The following NELFCD variants were observed in gnomAD, a reference collection of about 807,000 sequenced individuals.
The protein encoded by NELFCD is negative elongation factor C/D.
Under a neutral mutation model 72.9 loss-of-function variants are expected in NELFCD, and 48 were observed. The ratio of observed to expected loss-of-function variants is 0.66; its 90% CI spans 0.52 to 0.84. The LOEUF (loss-of-function observed/expected upper bound fraction) is 0.84, where lower values mean the gene tolerates loss of function less well. NELFCD is among the 40% of genes least tolerant of loss of function. The pLI, the probability that NELFCD is intolerant of heterozygous loss-of-function variation, is 0.00. For synonymous variants in NELFCD, 297 were observed against 280.6 expected (o/e 1.06, Z -0.59); for missense variants, 538 against 723.8 (o/e 0.74, Z 2.94).
intron 4 of NELFCD, among the ~76,000 whole-genome samples, chr20:58,988,678 T>C (rs946948349): frequency 1.3e-5 from 2 of 152,054 alleles, no homozygotes; most frequent in African/African-American, 4.8e-5. Context: ...GAAGCAACTT[T>C]CAGTACCCTC....
In NELFCD at chr20:58,990,896, T is replaced by C. The variant is rs1217024936; in HGVS notation, c.789-14T>C. On this transcript the variant is annotated splice_polypyrimidine_tract_variant and intron_variant, in intron 7 of 14. Transcript: ENST00000652272. ...GCCTTGTTAGTAACGGGGTCTATGG[T>C]TTTTCTCATCAAGAGGTCATGACGC... 1.0e-5 allele frequency: 16 copies of C among 1,605,386 alleles called. No homozygotes were observed. The highest frequency in any genetic ancestry group is 1.4e-5 in the Non-Finnish European group (16 of 1,175,658).
chr20:58,987,491 G>A, intron 3 of NELFCD: 1 of 552,246 alleles, frequency 1.8e-6, no homozygotes, highest in Non-Finnish European at 3.2e-6. Context: ...TTTCCATGAA[G>A]TTAGGGGTGG....
chr20:58,993,284 T>A lies in NELFCD; in HGVS notation c.1345-165T>A. 1 of 819,634 alleles carries A rather than the reference T, an allele frequency of 1.2e-6. No individual in the cohort carries two copies. The highest frequency in any genetic ancestry group is 1.9e-6 in the Non-Finnish European group (1 of 516,742). The allele number at this position is 819,634 out of a possible 1,614,324, so 50.8% of individuals were successfully genotyped here. A position where few individuals can be genotyped will look rare whatever the true frequency, so the allele number is the denominator to read the frequency against. ...ACCTAGCTTCATTGACTGCAGAAAT[T>A]TCTTAACCTCAGTCAAGTGTTACTG... is the stretch of plus-strand genomic sequence containing the variant. On this transcript the variant is annotated intron_variant, in intron 11 of 14. Coordinates refer to ENST00000652272, the MANE Select transcript of NELFCD (RefSeq NM_198976.4). The surrounding 1 kb of genome is among the most constrained non-coding windows in gnomAD (Gnocchi z 5.0).
chr20:58,989,336 C>T (rs2091795925), intron 5 of NELFCD, 152 bp from the exon 6 acceptor site: 2 of 880,208 alleles, frequency 2.3e-6, no homozygotes, highest in Non-Finnish European at 1.8e-6. Flanking sequence ...GGGCACACAC[C>T]TAGGTGATAG....
rs766445585 is a variant in NELFCD, at chr20:58,988,949, C to T, written c.432C>T (p.Thr144=). The T allele has an allele frequency of 1.9e-6, 3 of 1,614,168 alleles. No individual in the cohort carries two copies. Among genetic ancestry groups the T allele is most frequent in the Admixed American group, 3.3e-5 (2 of 60,022 alleles). ...GGCTGGAACAGATGATTGCACATAC[C>T]ACGTGGCGGGACCTTTTTTATAAAC... is the stretch of plus-strand genomic sequence containing the variant. The part of the protein sequence containing the change: ...PAWLEQMIAH[T]TWRDLFYKLA... Residue 144 remains threonine (T), a synonymous_variant, in exon 5 of 15, where the codon ACC becomes ACT. Coordinates refer to ENST00000652272, the MANE Select transcript of NELFCD (RefSeq NM_198976.4).
rs752338939 is a variant in NELFCD at position 58,981,290 on chromosome 20, G to T, written c.-20G>T. ...GCTCGCTCGCGGGAGGGCATGGCGG[G>T]GGCCGTGCCGGGCGCCATCATGGAC... On this transcript the variant is annotated 5_prime_UTR_variant, in exon 1 of 15. Transcript: ENST00000652272. The T allele has an allele frequency of 9.3e-7, 1 of 1,070,822 alleles. No homozygotes were observed. 66.3% of individuals were successfully genotyped at this position (1,070,822 alleles called of 1,614,324 possible).
At chr20:58,982,482 A>G (rs757466317) in intron 1 of NELFCD, among the ~76,000 whole-genome samples, 3 of 152,126 alleles carry the variant, frequency 2.0e-5, no homozygotes, top group African/African-American at 2.4e-5. Context: ...TTTAACAACA[A>G]TCAAGATTGG....
Position 58,992,040 on chromosome 20 carries a change from G to A in NELFCD, c.1229+20G>A. The A allele has an allele frequency of 6.3e-7, 1 of 1,596,830 alleles. No homozygotes were observed. Among genetic ancestry groups the A allele is most frequent in the Non-Finnish European group, 8.6e-7 (1 of 1,168,798 alleles). On this transcript the variant is annotated intron_variant, in intron 10 of 14. Transcript: ENST00000652272. ...TATTAGGTAAGCAAAACGAAACTCA[G>A]TTCTTAAATCAGTCCTTTGGGGAGG...
At position 58,986,388 on chromosome 20, in the gene NELFCD, C is replaced by G; in HGVS notation, c.176+180C>G. ...TAAATTTTTTTAAGACAGAGTCTTG[C>G]TCTGTTGCAGTGGCACAATCACCGC... On this transcript the variant is annotated intron_variant, in intron 2 of 14. Coordinates refer to ENST00000652272, the MANE Select transcript of NELFCD (RefSeq NM_198976.4). This position sits in a 1 kb window ranked among gnomAD's most constrained non-coding sequence, Gnocchi z 4.4. The G allele has an allele frequency of 1.7e-6, 1 of 577,852 alleles. No homozygotes were observed. Among genetic ancestry groups the G allele is most frequent in the Non-Finnish European group, 3.0e-6 (1 of 329,284 alleles). 35.8% of individuals were successfully genotyped at this position (577,852 alleles called of 1,614,324 possible). A position where few individuals can be genotyped will look rare whatever the true frequency, so the allele number is the denominator to read the frequency against.
chr20:58,994,078 C>A (rs775717697), intron 13 of NELFCD, 32 bp from the exon 14 acceptor site: 2 of 1,611,102 alleles, frequency 1.2e-6, no homozygotes, highest in Admixed American at 3.3e-5. Flanking sequence ...CACTAGTGTG[C>A]GGAAGAAGTC....
intron 9 of NELFCD, 54 bp from the exon 10 acceptor site, chr20:58,991,827 G>T: frequency 6.3e-7 from 1 of 1,592,778 alleles, no homozygotes; most frequent in South Asian, 1.1e-5. Context: ...AGAACACCCC[G>T]ACAGCAGGGA....
chr20:58,989,043 A>C (rs781693527), intron 5 of NELFCD, 22 bp downstream of exon 5: 4 of 1,528,766 alleles, frequency 2.6e-6, no homozygotes, highest in South Asian at 2.2e-5. Flanking sequence ...TCTAGAGTTA[A>C]GGAGAAAAGT....
At chr20:58,989,379 A>G in intron 5 of NELFCD, 109 bp from the exon 6 acceptor site, 1 of 1,339,190 alleles carries the variant, frequency 7.5e-7, no homozygotes, top group South Asian at 1.3e-5. Context: ...CCTGAGACCC[A>G]CGACCAGCGC....
chr20:58,991,099 C>T, intron 8 of NELFCD, 24 bp downstream of exon 8: 2 of 1,608,524 alleles, frequency 1.2e-6, no homozygotes, highest in Non-Finnish European at 1.7e-6. Context: ...CAAGAATCCC[C>T]AATGTCAGCT....
At chr20:58,984,959 A>G (rs1374382110) in intron 1 of NELFCD, among the ~76,000 whole-genome samples, 10 of 152,234 alleles carry the variant, frequency 6.6e-5, no homozygotes, top group African/African-American at 2.4e-4. Context: ...AAGACTCCAC[A>G]GCTTTTACTG....
In NELFCD at chr20:58,994,670, G is replaced by A. The variant is rs2091846218; in HGVS notation, c.1740G>A (p.Val580=). The change falls in exon 15 of 15, where the codon GTG becomes GTA. Residue 580 remains valine, a synonymous_variant. Transcript: ENST00000652272. ...IAHCKSNFIM[V]N ...ACTGCAAATCTAACTTCATCATGGT[G>A]AACTAATTTAGAGCATCCTCCAGAG... 1 of 1,611,838 alleles carries A rather than the reference G, an allele frequency of 6.2e-7. No homozygotes were observed. The highest frequency in any genetic ancestry group is 8.5e-7 in the Non-Finnish European group (1 of 1,178,230).
Position 58,993,807 on chromosome 20 carries a change from C to G in NELFCD, c.1581+43C>G. 2.5e-6 allele frequency: 4 copies of G among 1,599,242 alleles called. No individual in the cohort carries two copies. The highest frequency in any genetic ancestry group is 3.4e-6 in the Non-Finnish European group (4 of 1,170,034). Reference sequence around the variant, plus strand: ...GGTTTCATGTTTCATACTGTTTACACTAGCACTGCCCTTTTTGGCTTAATT... The same window carrying G: ...GGTTTCATGTTTCATACTGTTTACAGTAGCACTGCCCTTTTTGGCTTAATT... On this transcript the variant is annotated intron_variant, in intron 13 of 14. Transcript: ENST00000652272. The surrounding 1 kb of genome is among the most constrained non-coding windows in gnomAD (Gnocchi z 5.0).
chr20:58,989,749 C>A (rs766978761), intron 6 of NELFCD, 109 bp downstream of exon 6: 1 of 1,605,996 alleles, frequency 6.2e-7, no homozygotes, highest in Non-Finnish European at 8.5e-7. Flanking sequence ...CTGAGGGCAC[C>A]TTCCAGGATG....
chr20:58,988,628 G>C (rs1207507493), intron 4 of NELFCD, among the ~76,000 whole-genome samples: 1 of 152,080 alleles, frequency 6.6e-6, no homozygotes, highest in Non-Finnish European at 1.5e-5. Context: ...AGCTCCCTGT[G>C]TGTGCAAGGC....
Sources: allele counts gnomAD v4.1 joint callset (sites outside exome capture counted in the v4.1 genomes callset), GRCh38; gene constraint gnomAD v4.1.1; non-coding constraint Gnocchi (gnomAD v3.1); transcripts MANE v1.5; gene names NCBI Gene and HGNC (gene_info 2026-07-23, HGNC 2026-07-21).